The following C20orf203 variants were observed in gnomAD, a reference collection of about 807,000 sequenced individuals.
C20orf203 encodes chromosome 20 open reading frame 203.
Under a neutral mutation model 15.9 loss-of-function variants are expected in C20orf203, and 16 were observed. The ratio of observed to expected loss-of-function variants is 1.01; its 90% CI spans 0.68 to 1.53. The LOEUF (loss-of-function observed/expected upper bound fraction) is 1.53. Ranked by LOEUF, C20orf203 falls within the 40% of genes most tolerant of loss-of-function variation. C20orf203 has a pLI of 0.00. For missense variants in C20orf203, 263 were observed against 247.5 expected (o/e 1.06, Z -0.42); for synonymous variants, 98 against 97.2 (o/e 1.01, Z -0.05).
At chr20:32,637,222 G>A (rs1982160060) in intron 5 of C20orf203, among the ~76,000 whole-genome samples, 1 of 152,200 alleles carries the variant, frequency 6.6e-6, no homozygotes, top group Non-Finnish European at 1.5e-5. Flanking sequence ...AGACCAGCCT[G>A]ACCAACATGG....
At chr20:32,643,936 A>G (rs1415067175) in intron 4 of C20orf203, among the ~76,000 whole-genome samples, 2 of 152,126 alleles carry the variant, frequency 1.3e-5, no homozygotes, top group Non-Finnish European at 2.9e-5. Context: ...CCATGAAAGC[A>G]TCATGGCCCT....
chr20:32,666,797 T>TTTTATACATATATATATATA (rs367964394), intron 1 of C20orf203, among the ~76,000 whole-genome samples: 8 of 65,594 alleles, frequency 1.2e-4, no homozygotes, highest in Non-Finnish European at 2.1e-4. Context: ...TAATTTTAAT[T>TTTTATACATATATATATATA]TATATATATA....
intron 1 of C20orf203, among the ~76,000 whole-genome samples, chr20:32,659,843 G>A (rs1217476403): frequency 6.6e-6 from 1 of 152,174 alleles, no homozygotes; most frequent in Admixed American, 6.5e-5. Context: ...TCCGTGGCTG[G>A]CACTAGTAAT....
intron 1 of C20orf203, chr20:32,656,922 C>T (rs1449640937): frequency 1.3e-5 from 2 of 151,476 alleles, no homozygotes; most frequent in East Asian, 3.9e-4. Flanking sequence ...ATAGAAACAA[C>T]CACAACCCAA....
intron 1 of C20orf203, among the ~76,000 whole-genome samples, chr20:32,671,210 C>A (rs1436312885): frequency 6.6e-6 from 1 of 152,208 alleles, no homozygotes; most frequent in Non-Finnish European, 1.5e-5. Context: ...AAATCAGGAT[C>A]TCCAAGAGAT....
intron 4 of C20orf203, among the ~76,000 whole-genome samples, chr20:32,647,787 G>C (rs1349021027): frequency 6.6e-6 from 1 of 152,168 alleles, no homozygotes; most frequent in South Asian, 2.1e-4. Context: ...AAACTACCAC[G>C]GGTCGGGGAA....
chr20:32,658,175 A>C (rs930064162), intron 1 of C20orf203, among the ~76,000 whole-genome samples: 8 of 152,202 alleles, frequency 5.3e-5, no homozygotes, highest in Non-Finnish European at 8.8e-5. Context: ...CAACTCTACC[A>C]AAAATACAAA....
chr20:32,652,310 A>G (rs2145673190), intron 1 of C20orf203, among the ~76,000 whole-genome samples: 1 of 137,204 alleles, frequency 7.3e-6, no homozygotes, highest in Non-Finnish European at 1.6e-5. Flanking sequence ...GCGACAGAGC[A>G]AGACTCCATC....
chr20:32,658,945 G>A (rs553731707), intron 1 of C20orf203, among the ~76,000 whole-genome samples: 1 of 151,830 alleles, frequency 6.6e-6, no homozygotes, highest in East Asian at 1.9e-4. Context: ...GCGTGATCTC[G>A]GCTCACCACA....
intron 1 of C20orf203, among the ~76,000 whole-genome samples, chr20:32,670,346 T>C (rs549151674): frequency 3.3e-4 from 50 of 150,130 alleles, no homozygotes; most frequent in African/African-American, 1.2e-3. Context: ...CTCTACTAAA[T>C]AATACAAAAA....
rs923734462 is a variant in C20orf203, at chr20:32,650,211, G to A, written c.*221C>T. 1 of 554,640 alleles carries A rather than the reference G, an allele frequency of 1.8e-6. No homozygotes were observed. Among genetic ancestry groups the A allele is most frequent in the Non-Finnish European group, 3.2e-6 (1 of 309,536 alleles). 34.4% of individuals were successfully genotyped at this position (554,640 alleles called of 1,614,324 possible). A position where few individuals can be genotyped will look rare whatever the true frequency, so the allele number is the denominator to read the frequency against. ...CCGGCCGGGGTTCTACCCAGAGCCAGCCTGGCACAGCCTCGGTCCCTAATC... is the reference window on the plus strand; with the variant it reads ...CCGGCCGGGGTTCTACCCAGAGCCAACCTGGCACAGCCTCGGTCCCTAATC... On this transcript the variant is annotated 3_prime_UTR_variant, in exon 4 of 6. Transcript: ENST00000608990.
chr20:32,666,155 T>TAAAAAAAAAAAAAAAAAAAAAA (rs147487671), intron 1 of C20orf203, among the ~76,000 whole-genome samples: 1 of 102,774 alleles, frequency 9.7e-6, no homozygotes, highest in African/African-American at 3.7e-5. Context: ...ATAAATAAAG[T>TAAAAAAAAAAAAAAAAAAAAAA]AAAAAAAAAA....
Position 32,634,005 on chromosome 20 carries a change from T to G in C20orf203, c.*1565A>C. On this transcript the variant is annotated 3_prime_UTR_variant, in exon 6 of 6. Coordinates refer to ENST00000608990, the MANE Select transcript of C20orf203 (RefSeq NM_182584.4). ...ATTCATGTGTCCAACTCTTCACTCC[T>G]TTCCTCAACAAACATTGACTGAAAT... The G allele has an allele frequency of 2.5e-6, 1 of 398,676 alleles. No homozygotes were observed. 24.7% of individuals were successfully genotyped at this position (398,676 alleles called of 1,614,324 possible). A position where few individuals can be genotyped will look rare whatever the true frequency, so the allele number is the denominator to read the frequency against.
intron 5 of C20orf203, among the ~76,000 whole-genome samples, chr20:32,636,579 CCT>C (rs779919832): frequency 1.3e-5 from 2 of 152,182 alleles, no homozygotes; most frequent in African/African-American, 2.4e-5. Context: ...ACGCAAGGCC[CCT>C]GTCATCCCTT....
intron 1 of C20orf203, among the ~76,000 whole-genome samples, chr20:32,668,658 T>TA (rs1210236959): frequency 2.0e-5 from 3 of 150,500 alleles, no homozygotes; most frequent in Non-Finnish European, 3.0e-5. Context: ...AAAAATAAAT[T>TA]AAAAAAATAG....
intron 5 of C20orf203, among the ~76,000 whole-genome samples, chr20:32,638,870 G>A (rs930481298): frequency 4.1e-5 from 6 of 147,330 alleles, no homozygotes; most frequent in South Asian, 4.5e-4. Context: ...CTGCGCTCCC[G>A]GCAATGTCGG....
intron 5 of C20orf203, among the ~76,000 whole-genome samples, chr20:32,639,618 T>C (rs933659290): frequency 1.1e-4 from 14 of 125,656 alleles, no homozygotes; most frequent in Non-Finnish European, 8.6e-5. Flanking sequence ...ACAATATTTT[T>C]TTAAATAGTA....
chr20:32,636,975 C>T lies in C20orf203; in HGVS notation c.*1300-2705G>A, dbSNP rs941652665. Among the ~76,000 whole-genome samples the T allele has an allele frequency of 7.2e-5, 11 of 152,178 alleles. No individual in the cohort carries two copies. The East Asian group carries it at 9.6e-4, about 13-fold the overall frequency. ...CAGGACATGTTCACACTCCCACTGC[C>T]GGGAGACAGCAGCCTGAGAGTCACC... On this transcript the variant is annotated intron_variant, in intron 5 of 5. Transcript: ENST00000608990.
chr20:32,638,233 C>T (rs988270368), intron 5 of C20orf203, among the ~76,000 whole-genome samples: 1 of 152,208 alleles, frequency 6.6e-6, no homozygotes, highest in Non-Finnish European at 1.5e-5. Context: ...ATATATTGAA[C>T]ACTTGCTATG....
Sources: gnomAD v4.1 joint callset for allele counts (sites outside exome capture counted in the v4.1 genomes callset) on GRCh38, gnomAD v4.1.1 for gene constraint, MANE v1.5 for transcripts, NCBI Gene and HGNC (gene_info 2026-07-23, HGNC 2026-07-21) for gene names.